FOXP2: variants seen among roughly 807,000 people sequenced by gnomAD.
FOXP2 encodes forkhead box P2.
FOXP2 carries 12 observed loss-of-function variants against 115.8 expected under a neutral mutation model. The ratio of observed to expected loss-of-function variants is 0.10; its 90% confidence interval spans 0.07 to 0.17. The LOEUF (loss-of-function observed/expected upper bound fraction) is 0.17, where lower values mean the gene tolerates loss of function less well. FOXP2 is among the 10% of genes least tolerant of loss of function. FOXP2 has a pLI of 1.00. For missense variants in FOXP2, 629 were observed against 843.5 expected, an observed-to-expected ratio of 0.75 and a Z score of 3.15; for synonymous variants, 328 against 297.7, an observed-to-expected ratio of 1.10 and a Z score of -1.05.
At chr7:114,281,340 G>A (rs1175949005) in intron 1 of FOXP2, among the ~76,000 whole-genome samples, 1 of 151,934 alleles carries the variant, frequency 6.6e-6, no homozygotes, top group Non-Finnish European at 1.5e-5. Context: ...GACCTCAAGT[G>A]ATCCACCCTC....
intron 2 of FOXP2, among the ~76,000 whole-genome samples, chr7:114,388,047 G>C (rs1306043996): frequency 6.6e-6 from 1 of 152,124 alleles, no homozygotes; most frequent in Non-Finnish European, 1.5e-5. Context: ...GACAGAGAAA[G>C]GTGCAAGATT....
chr7:114,658,185 A>C lies in FOXP2; in HGVS notation c.1386A>C (p.Ser462=). 1 of 1,613,820 alleles carries C rather than the reference A, an allele frequency of 6.2e-7. No individual in the cohort carries two copies. Residue 462 remains serine (S), a synonymous_variant, in exon 11 of 17, where the codon TCA becomes TCC. Transcript: ENST00000350908. ...TCACCCCGATTACCCAGGGACCCTC[A>C]GTAATCACCCCAGCCAGTGTGCCCA... ...APVTPITQGP[S]VITPASVPNV...
chr7:114,329,742 A>G (rs1048980897), intron 2 of FOXP2, among the ~76,000 whole-genome samples: 2 of 150,836 alleles, frequency 1.3e-5, no homozygotes, highest in African/African-American at 4.9e-5. Flanking sequence ...AGTGGCGCGA[A>G]ACCAGCTCAC....
chr7:114,415,989 C>T (rs967515533), intron 1 of FOXP2, among the ~76,000 whole-genome samples: 4 of 151,928 alleles, frequency 2.6e-5, no homozygotes, highest in African/African-American at 9.7e-5. Flanking sequence ...CAGGAATACA[C>T]ATTGTGAATT....
Position 114,692,629 on chromosome 7 carries a change from GC to G in FOXP2, c.*2704del, listed in dbSNP as rs1563084149. On this transcript the variant is annotated 3_prime_UTR_variant, in exon 17 of 17. Coordinates refer to ENST00000350908, the MANE Select transcript of FOXP2 (RefSeq NM_014491.4). Reference sequence around the variant, plus strand: ...ATCTGCTTTGCGTAGCTATTGTAAGGCTTTGAACTAATGTATGTATTTATTG... The same window carrying G: ...ATCTGCTTTGCGTAGCTATTGTAAGGTTTGAACTAATGTATGTATTTATTG... The G allele has an allele frequency of 4.5e-6, 2 of 448,628 alleles. No individual in the cohort carries two copies. Among genetic ancestry groups the G allele is most frequent in the Non-Finnish European group, 8.9e-6 (2 of 224,658 alleles). The allele number at this position is 448,628 out of a possible 1,614,324, so 27.8% of individuals were successfully genotyped here.
At chr7:114,390,146 A>T (rs938987542) in intron 2 of FOXP2, among the ~76,000 whole-genome samples, 2 of 152,106 alleles carry the variant, frequency 1.3e-5, no homozygotes, top group African/African-American at 4.8e-5. Flanking sequence ...AAATTCAAAA[A>T]TTTTTTAAAA....
At chr7:114,235,931 C>A (rs1169823065) in intron 1 of FOXP2, among the ~76,000 whole-genome samples, 1 of 152,190 alleles carries the variant, frequency 6.6e-6, no homozygotes, top group South Asian at 2.1e-4. Context: ...GAAATAATTT[C>A]TCTCTAAGTG....
chr7:114,389,321 A>G (rs1251032397), intron 2 of FOXP2, among the ~76,000 whole-genome samples: 2 of 152,312 alleles, frequency 1.3e-5, no homozygotes, highest in East Asian at 3.9e-4. Context: ...TGAATGGTTT[A>G]CTTTTCTTAA....
intron 2 of FOXP2, among the ~76,000 whole-genome samples, chr7:114,288,809 A>C (rs1201864865): frequency 6.6e-6 from 1 of 151,824 alleles, no homozygotes; most frequent in Admixed American, 6.6e-5. Context: ...AATTTAGAAT[A>C]ATATAATTTT....
exon 2 of FOXP2, chr7:114,288,032 T>G: frequency 2.2e-6 from 1 of 453,254 alleles, no homozygotes; most frequent in Non-Finnish European, 4.4e-6. Flanking sequence ...TACTCTAATG[T>G]GATGCTGGGA....
chr7:114,689,405 A>T (rs1278056073), intron 16 of FOXP2, among the ~76,000 whole-genome samples: 1 of 152,176 alleles, frequency 6.6e-6, no homozygotes, highest in Non-Finnish European at 1.5e-5. Context: ...GCTAGCAAAA[A>T]ACTGAATGGT....
intron 16 of FOXP2, among the ~76,000 whole-genome samples, chr7:114,678,240 T>C (rs1166992647): frequency 2.0e-5 from 3 of 152,174 alleles, no homozygotes; most frequent in Non-Finnish European, 4.4e-5. Flanking sequence ...GCAGGATAGA[T>C]GTAAAGGACA....
chr7:114,596,149 A>G (rs1308794559), intron 3 of FOXP2, among the ~76,000 whole-genome samples: 3 of 152,038 alleles, frequency 2.0e-5, no homozygotes, highest in Admixed American at 6.6e-5. Context: ...CCTCACTAAA[A>G]TATCACATTT....
chr7:114,121,552 C>T (rs1159852523), intron 1 of FOXP2, among the ~76,000 whole-genome samples: 1 of 152,068 alleles, frequency 6.6e-6, no homozygotes, highest in Admixed American at 6.6e-5. Context: ...TGTAAACTCA[C>T]AAAAACATGG....
chr7:114,187,066 T>C (rs1793625706), intron 1 of FOXP2, among the ~76,000 whole-genome samples: 1 of 152,194 alleles, frequency 6.6e-6, no homozygotes. Context: ...TCCAATTATT[T>C]TGTACAATAA....
intron 2 of FOXP2, among the ~76,000 whole-genome samples, chr7:114,466,271 C>T (rs1430702584): frequency 6.6e-6 from 1 of 152,250 alleles, no homozygotes; most frequent in East Asian, 1.9e-4. Context: ...CATGCTCTTG[C>T]CTCTTATTCT....
intron 1 of FOXP2, among the ~76,000 whole-genome samples, chr7:114,209,597 A>T (rs1272912431): frequency 6.6e-6 from 1 of 151,562 alleles, no homozygotes; most frequent in Non-Finnish European, 1.5e-5. Context: ...TTTCCTTTTG[A>T]TCTTGGAGAA....
intron 3 of FOXP2, among the ~76,000 whole-genome samples, chr7:114,599,954 C>T (rs1802933113): frequency 6.6e-6 from 1 of 152,118 alleles, no homozygotes; most frequent in Non-Finnish European, 1.5e-5. Context: ...TCCCCACCCT[C>T]AGTTTCCCCT....
rs936146 is a variant in FOXP2, at chr7:114,654,350, G to C, written c.1266+341G>C. On this transcript the variant is annotated intron_variant, in intron 10 of 16. Coordinates refer to ENST00000350908, the MANE Select transcript of FOXP2 (RefSeq NM_014491.4). ...TTTGAGCAACCTGAAAAGTAGTAAC[G>C]TACAAATCACAAATAGAAATGTATG... 0.34 allele frequency among the ~76,000 whole-genome samples: 52,163 copies of C among 151,858 alleles called. 10,232 individuals are homozygous for C. Among genetic ancestry groups the C allele is most frequent in the Non-Finnish European group, 0.46 (30,979 of 67,892 alleles).
Sources: allele counts gnomAD v4.1 joint callset (sites outside exome capture counted in the v4.1 genomes callset), GRCh38; gene constraint gnomAD v4.1.1; transcripts MANE v1.5; gene names NCBI Gene and HGNC (gene_info 2026-07-23, HGNC 2026-07-21).